NEK1: variants seen among roughly 807,000 people sequenced by gnomAD.
NEK1 encodes NIMA related kinase 1.
Under a neutral mutation model 182.1 loss-of-function variants are expected in NEK1, and 137 were observed. The observed-to-expected ratio is 0.75, with a 90% CI of 0.65 to 0.87. The LOEUF (loss-of-function observed/expected upper bound fraction) is 0.87, where lower values mean the gene tolerates loss of function less well. NEK1 is among the 40% of genes least tolerant of loss of function. The pLI is 0.00. For missense variants in NEK1, 1,391 were observed against 1,494.4 expected (o/e 0.93, Z 1.14); for synonymous variants, 513 against 492.2 (o/e 1.04, Z -0.56).
intron 32 of NEK1, 24 bp from the exon 33 acceptor site, chr4:169,401,884 A>C: frequency 6.4e-7 from 1 of 1,572,550 alleles, no homozygotes; most frequent in Middle Eastern, 1.7e-4. Context: ...AGTATAACTA[A>C]AAGTTTCAAA....
chr4:169,427,646 C>T (rs965407703), intron 29 of NEK1, among the ~76,000 whole-genome samples: 2 of 151,628 alleles, frequency 1.3e-5, no homozygotes, highest in Admixed American at 1.3e-4. Context: ...AGGCACATGC[C>T]ACTGCACCCA....
At chr4:169,408,718 C>T (rs980356437) in intron 31 of NEK1, among the ~76,000 whole-genome samples, 3 of 152,124 alleles carry the variant, frequency 2.0e-5, no homozygotes, top group Non-Finnish European at 1.5e-5. Flanking sequence ...TGAGAACATA[C>T]GCTATTTGGT....
intron 12 of NEK1, among the ~76,000 whole-genome samples, chr4:169,574,485 C>T (rs55724275): frequency 0.29 from 43,929 of 151,862 alleles, 8,970 homozygotes; most frequent in African/African-American, 0.59. Context: ...TGTAGTCCCA[C>T]AGTCCCAGCT....
chr4:169,393,012 T>C lies in NEK1; in HGVS notation c.*1498A>G, dbSNP rs1171312251. On this transcript the variant is annotated 3_prime_UTR_variant, in exon 36 of 36. Coordinates refer to ENST00000507142, the MANE Select transcript of NEK1 (RefSeq NM_001199397.3). ...CTTATTCCTGCACATATATAACATC[T>C]TTTGAAATATGGCTAAAACAATTTT... 1 of 152,218 alleles carries C rather than the reference T, an allele frequency of 6.6e-6. No individual in the cohort carries two copies. The highest frequency in any genetic ancestry group is 1.5e-5 in the Non-Finnish European group (1 of 68,032). The allele number at this position is 152,218 out of a possible 1,614,324, so 9.4% of individuals were successfully genotyped here.
intron 19 of NEK1, among the ~76,000 whole-genome samples, chr4:169,529,119 C>G (rs1473251753): frequency 6.6e-6 from 1 of 152,052 alleles, no homozygotes; most frequent in Non-Finnish European, 1.5e-5. Context: ...ATGGCTACAG[C>G]AACGCTTAGA....
At chr4:169,591,751 G>A (rs1180011179) in intron 5 of NEK1, among the ~76,000 whole-genome samples, 2 of 151,934 alleles carry the variant, frequency 1.3e-5, no homozygotes, top group African/African-American at 4.8e-5. Context: ...TTCAAAACAT[G>A]ACATAAAATG....
At chr4:169,607,464 A>C (rs1200151659) in intron 2 of NEK1, among the ~76,000 whole-genome samples, 1 of 152,072 alleles carries the variant, frequency 6.6e-6, no homozygotes. Flanking sequence ...TTTTTTTTTA[A>C]TTTTTAATTT....
chr4:169,592,440 AAAGG>A (rs1768682199), intron 5 of NEK1, among the ~76,000 whole-genome samples: 1 of 152,180 alleles, frequency 6.6e-6, no homozygotes, highest in Admixed American at 6.5e-5. Flanking sequence ...TTAAGTGAAA[AAAGG>A]AAGTTCCAAA....
chr4:169,412,902 AAG>A (rs1375687009), intron 31 of NEK1, among the ~76,000 whole-genome samples: 2 of 151,044 alleles, frequency 1.3e-5, no homozygotes, highest in Non-Finnish European at 2.9e-5. Flanking sequence ...GGGAGGGAGG[AAG>A]AGAGAGGAAG....
chr4:169,448,838 G>A (rs1171398252), intron 27 of NEK1, among the ~76,000 whole-genome samples: 9 of 152,222 alleles, frequency 5.9e-5, no homozygotes, highest in Middle Eastern at 3.2e-3. Context: ...AGGGTGAGCC[G>A]AAGCAGGGTG....
At chr4:169,595,714 G>C (rs1769328830) in intron 5 of NEK1, among the ~76,000 whole-genome samples, 1 of 151,970 alleles carries the variant, frequency 6.6e-6, no homozygotes, top group Non-Finnish European at 1.5e-5. Context: ...ACGAGGTCAG[G>C]AGATCAAGAC....
intron 19 of NEK1, among the ~76,000 whole-genome samples, chr4:169,511,009 A>G (rs1754085253): frequency 6.6e-6 from 1 of 152,174 alleles, no homozygotes; most frequent in South Asian, 2.1e-4. Context: ...GAAGCGCAGT[A>G]TATTTTAGTT....
At chr4:169,478,836 T>C (rs1747455912) in intron 24 of NEK1, among the ~76,000 whole-genome samples, 1 of 152,168 alleles carries the variant, frequency 6.6e-6, no homozygotes, top group African/African-American at 2.4e-5. Context: ...TTCAGACAGA[T>C]ACCTGAAATA....
At chr4:169,453,719 G>A (rs1337376886) in intron 27 of NEK1, among the ~76,000 whole-genome samples, 1 of 152,176 alleles carries the variant, frequency 6.6e-6, no homozygotes, top group Non-Finnish European at 1.5e-5. Flanking sequence ...TTTCCCATAA[G>A]GGATATTTTT....
At chr4:169,427,413 A>G (rs969694240) in intron 29 of NEK1, among the ~76,000 whole-genome samples, 1 of 152,074 alleles carries the variant, frequency 6.6e-6, no homozygotes, top group African/African-American at 2.4e-5. Context: ...GGCATGAGCC[A>G]CTGCGCCCGG....
chr4:169,542,911 C>T (rs908429277), intron 18 of NEK1, among the ~76,000 whole-genome samples: 1 of 152,074 alleles, frequency 6.6e-6, no homozygotes, highest in Admixed American at 6.5e-5. Flanking sequence ...GAATAGATTG[C>T]AAAATTTTTC....
chr4:169,593,850 G>A (rs897157832), intron 5 of NEK1, among the ~76,000 whole-genome samples: 4 of 152,240 alleles, frequency 2.6e-5, no homozygotes, highest in African/African-American at 9.6e-5. Context: ...TTAGCCAGGC[G>A]TGATGGCGGG....
chr4:169,412,039 C>A (rs1003423375), intron 31 of NEK1, among the ~76,000 whole-genome samples: 1 of 152,176 alleles, frequency 6.6e-6, no homozygotes, highest in South Asian at 2.1e-4. Context: ...CATTTATATT[C>A]TCCAATTAGA....
intron 23 of NEK1, among the ~76,000 whole-genome samples, chr4:169,484,001 T>C: frequency 6.6e-6 from 1 of 152,118 alleles, no homozygotes. Flanking sequence ...AGTATATAAA[T>C]TCAAATAAGG....
Sources: gnomAD v4.1 joint callset for allele counts (sites outside exome capture counted in the v4.1 genomes callset) on GRCh38, gnomAD v4.1.1 for gene constraint, MANE v1.5 for transcripts, NCBI Gene and HGNC (gene_info 2026-07-23, HGNC 2026-07-21) for gene names.